The following DNAH7 variants were observed in gnomAD, a reference collection of about 807,000 sequenced individuals.
DNAH7 encodes the protein axonemal beta dynein heavy chain 7.
Under a neutral mutation model 444.6 loss-of-function variants are expected in DNAH7, and 397 were observed. The ratio of observed to expected loss-of-function variants is 0.89; its 90% CI spans 0.82 to 0.97. The LOEUF (loss-of-function observed/expected upper bound fraction) is 0.97, where lower values mean the gene tolerates loss of function less well. DNAH7 is among the 50% of genes least tolerant of loss of function. The pLI, the probability that DNAH7 is intolerant of heterozygous loss-of-function variation, is 0.00. For synonymous variants in DNAH7, 1,636 were observed against 1,624.4 expected, an observed-to-expected ratio of 1.01 and a Z score of -0.17; for missense variants, 4,902 against 4,800.8, an observed-to-expected ratio of 1.02 and a Z score of -0.62.
intron 15 of DNAH7, among the ~76,000 whole-genome samples, chr2:195,973,823 C>A (rs1692008065): frequency 6.6e-6 from 1 of 152,020 alleles, no homozygotes; most frequent in African/African-American, 2.4e-5. Flanking sequence ...TGTGGTGGCT[C>A]ATGCCTGTAA....
At chr2:195,871,330 G>T (rs945050824) in intron 40 of DNAH7, among the ~76,000 whole-genome samples, 2 of 152,038 alleles carry the variant, frequency 1.3e-5, no homozygotes, top group African/African-American at 4.8e-5. Context: ...TAAGGGTCTT[G>T]CTCTATCACC....
intron 5 of DNAH7, among the ~76,000 whole-genome samples, chr2:196,042,089 G>C (rs1239100687): frequency 2.6e-5 from 4 of 151,934 alleles, no homozygotes; most frequent in African/African-American, 9.7e-5. Flanking sequence ...TGTAGAGAAA[G>C]AGAATTCACA....
chr2:195,812,080 C>G (rs1402937036), intron 51 of DNAH7, among the ~76,000 whole-genome samples: 1 of 152,142 alleles, frequency 6.6e-6, no homozygotes, highest in Non-Finnish European at 1.5e-5. Flanking sequence ...ATGGCCTCAC[C>G]TAGACCAGCA....
In DNAH7 at chr2:196,068,732, C is replaced by T. The variant is rs376901058; in HGVS notation, c.-21G>A. 824 of 1,550,880 alleles carry T rather than the reference C, an allele frequency of 5.3e-4. 3 individuals carry two copies. The African/African-American group carries it at 0.01, about 19-fold the overall frequency. On this transcript the variant is annotated 5_prime_UTR_variant, in exon 1 of 65. Coordinates refer to ENST00000312428, the MANE Select transcript of DNAH7 (RefSeq NM_018897.3). ...CTCATGGCTGCGAGGACGCGCTGGC[C>T]TCACCGGTGCTTCTGGGTTGCTCCT...
At chr2:195,938,577 T>C (rs963960678) in intron 19 of DNAH7, among the ~76,000 whole-genome samples, 3 of 152,204 alleles carry the variant, frequency 2.0e-5, no homozygotes, top group Non-Finnish European at 2.9e-5. Flanking sequence ...AAAAAAATTA[T>C]TGCAATGTTT....
intron 54 of DNAH7, among the ~76,000 whole-genome samples, chr2:195,801,966 C>T (rs184083314): frequency 6.6e-6 from 1 of 152,176 alleles, no homozygotes; most frequent in Non-Finnish European, 1.5e-5. Flanking sequence ...TTTATAAATG[C>T]CTGATAGCAT....
rs1180135832 is a variant in DNAH7, at chr2:195,861,733, A to G, written c.7720T>C (p.Leu2574=). The change falls in exon 42 of 65, where the codon TTA becomes CTA. Residue 2574 remains leucine, a synonymous_variant. Coordinates refer to ENST00000312428, the MANE Select transcript of DNAH7 (RefSeq NM_018897.3). ...GATTTTTACCTTCTTTTCTTTTCTA[A>G]CAACAGTTTGAAGGTGGAGATTAAT... ...LELISTFKLL[L]EKKRSEVMKM... 1 of 1,609,940 alleles carries G rather than the reference A, an allele frequency of 6.2e-7. No individual in the cohort carries two copies.
intron 24 of DNAH7, among the ~76,000 whole-genome samples, chr2:195,915,901 T>C (rs1687644961): frequency 6.6e-6 from 1 of 152,260 alleles, no homozygotes; most frequent in Admixed American, 6.5e-5. Context: ...GAGGATCAGA[T>C]AATTGCTCAG....
In DNAH7 at chr2:195,899,976, A is replaced by G. The variant is rs3795868; in HGVS notation, c.4548+306T>C. On this transcript the variant is annotated intron_variant, in intron 28 of 64. Coordinates refer to ENST00000312428, the MANE Select transcript of DNAH7 (RefSeq NM_018897.3). Reference sequence around the variant, plus strand: ...TATTATACTTATTTCATTTAATGCTATATTTGTTTATATGTTTATATAGAC... The same window carrying G: ...TATTATACTTATTTCATTTAATGCTGTATTTGTTTATATGTTTATATAGAC... Among the ~76,000 whole-genome samples, 14 of 152,288 alleles carry G rather than the reference A, an allele frequency of 9.2e-5. No homozygotes were observed. The East Asian group carries it at 2.1e-3, about 23-fold the overall frequency.
Position 195,888,939 on chromosome 2 carries a change from C to A in DNAH7, c.5089G>T (p.Ala1697Ser), listed in dbSNP as rs1183729622. 3 of 1,613,606 alleles carry A rather than the reference C, an allele frequency of 1.9e-6. No homozygotes were observed. The highest frequency in any genetic ancestry group is 1.3e-5 in the African/African-American group (1 of 74,886). ...KWLIFDGPVD[A>S]VWIENMNTVL... is the part of the protein sequence containing the mutation. ...GTGTTCATATTCTCAATCCACACTG[C>A]ATCTACTGGGCCATCAAAAATTAAC... is the stretch of plus-strand genomic sequence containing the variant. Residue 1697 changes from alanine to serine, a missense_variant, in exon 32 of 65, where the codon GCA becomes TCA. Transcript: ENST00000312428.
chr2:195,739,858 C>A (rs767815800), intron 64 of DNAH7, among the ~76,000 whole-genome samples: 4 of 152,210 alleles, frequency 2.6e-5, no homozygotes, highest in African/African-American at 9.6e-5. Flanking sequence ...TCTTGTTTCA[C>A]CTCATAACCG....
intron 54 of DNAH7, among the ~76,000 whole-genome samples, chr2:195,806,241 G>A (rs1386281022): frequency 2.0e-5 from 3 of 151,734 alleles, no homozygotes; most frequent in African/African-American, 7.3e-5. Context: ...CTGATTCACT[G>A]GTTATATAAT....
rs1319414224 is a variant in DNAH7 at position 195,881,726 on chromosome 2, TCTG to T, written c.5961+66_5961+68del. On this transcript the variant is annotated intron_variant, in intron 36 of 64. Coordinates refer to ENST00000312428, the MANE Select transcript of DNAH7 (RefSeq NM_018897.3). ...TTGAGTATTTTTAAAAAATTATTTG[TCTG>T]CTATTTCAAAAACATTCTTAGGAAG... 3 of 1,448,958 alleles carry T rather than the reference TCTG, an allele frequency of 2.1e-6. No individual in the cohort carries two copies. The Admixed American group carries it at 6.0e-5, about 29-fold the overall frequency. The allele number at this position is 1,448,958 out of a possible 1,614,324, so 89.8% of individuals were successfully genotyped here.
intron 37 of DNAH7, 73 bp from the exon 38 acceptor site, chr2:195,875,916 T>G: frequency 7.3e-7 from 1 of 1,371,430 alleles, no homozygotes; most frequent in Non-Finnish European, 9.8e-7. Flanking sequence ...TAAACAATAT[T>G]GAGGCAAATA....
intron 61 of DNAH7, among the ~76,000 whole-genome samples, chr2:195,771,418 A>G (rs975109167): frequency 6.6e-6 from 1 of 152,098 alleles, no homozygotes; most frequent in Non-Finnish European, 1.5e-5. Context: ...GTGTCTCCTT[A>G]GCATATATCC....
Position 195,871,930 on chromosome 2 carries a change from CAAAAAAAAAAAAAAAAAAA to C in DNAH7, c.6633+301_6633+319del, listed in dbSNP as rs553845281. Among the ~76,000 whole-genome samples the C allele has an allele frequency of 4.7e-3, 117 of 24,798 alleles. 4 individuals are homozygous for C. Among genetic ancestry groups the C allele is most frequent in the South Asian group, 0.018 (4 of 222 alleles). The allele number at this position is 24,798 out of a possible 152,430, so 16.3% of individuals were successfully genotyped here. On this transcript the variant is annotated intron_variant, in intron 40 of 64. Coordinates refer to ENST00000312428, the MANE Select transcript of DNAH7 (RefSeq NM_018897.3). ...TGGGCGACAGAGCGAGACTCCGTCT[CAAAAAAAAAAAAAAAAAAA>C]AAAAAAAAAAAAAAAAAAAACTACT...
chr2:195,785,604 GGTT>G (rs1209032836), intron 58 of DNAH7, among the ~76,000 whole-genome samples: 3 of 97,194 alleles, frequency 3.1e-5, no homozygotes, highest in South Asian at 6.5e-4. Context: ...TTTTTTTTTT[GGTT>G]GTTGTTTTAA....
intron 12 of DNAH7, among the ~76,000 whole-genome samples, chr2:195,994,058 C>G (rs1339763976): frequency 6.6e-6 from 1 of 152,192 alleles, no homozygotes; most frequent in Non-Finnish European, 1.5e-5. Context: ...GAGCCTGCAA[C>G]TGTGCATTTA....
intron 12 of DNAH7, chr2:195,995,378 C>G (rs968199324): frequency 9.9e-5 from 51 of 515,966 alleles, no homozygotes; most frequent in Non-Finnish European, 1.8e-4. Flanking sequence ...TCTTGGTGAG[C>G]ACACCAAGGG....
Sources: gnomAD v4.1 joint callset for allele counts (sites outside exome capture counted in the v4.1 genomes callset) on GRCh38, gnomAD v4.1.1 for gene constraint, MANE v1.5 for transcripts, NCBI Gene and HGNC (gene_info 2026-07-23, HGNC 2026-07-21) for gene names.